Variants in EML4 observed in about 807,000 individuals in gnomAD.
EML4 encodes EMAP like 4, also known as echinoderm microtubule-associated protein-like 4.
In EML4, 72 loss-of-function variants were observed where a neutral mutation model predicts 129.0. The observed-to-expected ratio is 0.56, with a 90% CI of 0.46 to 0.68. EML4 has a LOEUF of 0.68. Among genes scored for constraint, EML4 ranks in the 30% least tolerant of loss-of-function variants. The pLI is 0.00. For missense variants in EML4, 1,363 were observed against 1,190.6 expected (o/e 1.14, Z -2.13); for synonymous variants, 532 against 405.0 (o/e 1.31, Z -3.77).
At position 42,331,930 on chromosome 2, in the gene EML4, A is replaced by C. The variant is rs573709162; in HGVS notation, c.*1723A>C. ...CTGTATATCTTTCCTTTTGTTTACA[A>C]CTGTTAAAAAACCTCAAAATAGTTC... On this transcript the variant is annotated 3_prime_UTR_variant, in exon 23 of 23. Coordinates refer to ENST00000318522, the MANE Select transcript of EML4 (RefSeq NM_019063.5). 7.5e-5 allele frequency: 16 copies of C among 212,798 alleles called. No individual in the cohort carries two copies. The highest frequency in any genetic ancestry group is 2.7e-4 in the African/African-American group (12 of 44,158). 13.2% of individuals were successfully genotyped at this position (212,798 alleles called of 1,614,324 possible).
At chr2:42,229,016 T>C (rs866490197) in intron 1 of EML4, among the ~76,000 whole-genome samples, 22 of 152,180 alleles carry the variant, frequency 1.4e-4, no homozygotes, top group African/African-American at 4.8e-4. Flanking sequence ...CAGTAAAATA[T>C]AGTATCTCTT....
chr2:42,273,798 C>A (rs1666506303), intron 6 of EML4, among the ~76,000 whole-genome samples: 1 of 152,128 alleles, frequency 6.6e-6, no homozygotes, highest in Non-Finnish European at 1.5e-5. Context: ...CTTCTAAATT[C>A]CCTTTTAGTT....
At chr2:42,221,307 C>G (rs1024007687) in intron 1 of EML4, among the ~76,000 whole-genome samples, 9 of 151,802 alleles carry the variant, frequency 5.9e-5, no homozygotes, top group Non-Finnish European at 1.0e-4. Context: ...TCTGAAAATC[C>G]TAGGGCCTTG....
At chr2:42,216,345 C>T (rs574196355) in intron 1 of EML4, among the ~76,000 whole-genome samples, 3 of 141,822 alleles carry the variant, frequency 2.1e-5, no homozygotes, top group Admixed American at 1.5e-4. Context: ...CGGGTTCAAG[C>T]GATTCTCCTG....
chr2:42,264,955 A>G, intron 6 of EML4: 1 of 1,550,334 alleles, frequency 6.5e-7, no homozygotes, highest in African/African-American at 1.4e-5. Context: ...AGCCAAGGTA[A>G]GAATAAGCTA....
intron 9 of EML4, 25 bp downstream of exon 9, chr2:42,284,728 C>A (rs751221752): frequency 1.3e-6 from 2 of 1,540,574 alleles, no homozygotes; most frequent in Non-Finnish European, 1.8e-6. Context: ...GTTATGCCTT[C>A]TGTACCTAGA....
At chr2:42,254,771 A>G (rs976299006) in intron 2 of EML4, among the ~76,000 whole-genome samples, 17 of 152,318 alleles carry the variant, frequency 1.1e-4, no homozygotes, top group Admixed American at 4.6e-4. Flanking sequence ...GTGACTCAGC[A>G]GTTCCGCTCC....
chr2:42,170,620 G>T (rs1670214181), intron 1 of EML4, among the ~76,000 whole-genome samples: 1 of 152,212 alleles, frequency 6.6e-6, no homozygotes, highest in Non-Finnish European at 1.5e-5. Context: ...TATTCTTCGA[G>T]GCCATTGAAA....
chr2:42,317,209 G>A (rs1669289573), intron 18 of EML4, among the ~76,000 whole-genome samples: 1 of 152,182 alleles, frequency 6.6e-6, no homozygotes, highest in Non-Finnish European at 1.5e-5. Flanking sequence ...AGAAGATGAG[G>A]CCTAGAGTCC....
At chr2:42,306,207 C>T (rs190908955) in intron 17 of EML4, among the ~76,000 whole-genome samples, 224 of 152,238 alleles carry the variant, frequency 1.5e-3, no homozygotes, top group African/African-American at 5.2e-3. Flanking sequence ...GACATTTGTC[C>T]ATTTGGACCG....
intron 6 of EML4, 144 bp downstream of exon 6, chr2:42,264,875 A>C (rs1322458483): frequency 2.6e-6 from 4 of 1,544,682 alleles, no homozygotes; most frequent in Non-Finnish European, 3.5e-6. Context: ...TTAGGAAAAA[A>C]CCCAGTTTTT....
rs1670123710 is a variant in EML4 at position 42,169,534 on chromosome 2, C to T, written c.-78C>T. The T allele has an allele frequency of 7.2e-6, 11 of 1,523,974 alleles. No individual in the cohort carries two copies. Among genetic ancestry groups the T allele is most frequent in the South Asian group, 2.4e-5 (2 of 84,248 alleles). The allele number at this position is 1,523,974 out of a possible 1,614,324, so 94.4% of individuals were successfully genotyped here. ...ACCTAGAGAACGAGCGGGTCAGGCTCAGCGTCGGCCACTCTGTCGGTCCGC... is the reference window on the plus strand; with the variant it reads ...ACCTAGAGAACGAGCGGGTCAGGCTTAGCGTCGGCCACTCTGTCGGTCCGC... On this transcript the variant is annotated 5_prime_UTR_variant, in exon 1 of 23. Coordinates refer to ENST00000318522, the MANE Select transcript of EML4 (RefSeq NM_019063.5).
chr2:42,180,326 A>C (rs756065905), intron 1 of EML4, among the ~76,000 whole-genome samples: 7 of 152,234 alleles, frequency 4.6e-5, no homozygotes, highest in Non-Finnish European at 8.8e-5. Context: ...AGATTTAGCC[A>C]ACAGACATAT....
At chr2:42,218,027 C>A (rs1673310118) in intron 1 of EML4, among the ~76,000 whole-genome samples, 2 of 152,072 alleles carry the variant, frequency 1.3e-5, no homozygotes. Flanking sequence ...ACAGGGGTCC[C>A]CAACCCTCCG....
intron 17 of EML4, among the ~76,000 whole-genome samples, chr2:42,313,717 C>T (rs1175486585): frequency 4.6e-5 from 7 of 152,016 alleles, no homozygotes; most frequent in Non-Finnish European, 1.0e-4. Context: ...CACCTGAGGT[C>T]AGGAGTTCAA....
chr2:42,211,619 C>T (rs975833666), intron 1 of EML4, among the ~76,000 whole-genome samples: 6 of 152,076 alleles, frequency 3.9e-5, no homozygotes, highest in Admixed American at 1.3e-4. Flanking sequence ...GATAAAATGT[C>T]GTTAGAGAGG....
chr2:42,328,747 T>C (rs544048091), intron 21 of EML4, 139 bp from the exon 22 acceptor site: 1 of 659,102 alleles, frequency 1.5e-6, no homozygotes, highest in Non-Finnish European at 2.3e-6. Context: ...ACTGAGAAAT[T>C]TGTAAAGGAA....
chr2:42,278,923 C>T (rs984779178), intron 6 of EML4, among the ~76,000 whole-genome samples: 2 of 133,852 alleles, frequency 1.5e-5, no homozygotes, highest in South Asian at 2.5e-4. Flanking sequence ...GCAACAAGAG[C>T]GAAACTCTCT....
chr2:42,202,082 CAAA>C (rs748080390), intron 1 of EML4, among the ~76,000 whole-genome samples: 2 of 111,108 alleles, frequency 1.8e-5, no homozygotes, highest in Admixed American at 9.7e-5. Flanking sequence ...GACTCTGTCT[CAAA>C]AAAAAAAAAA....
Sources: gnomAD v4.1 joint callset for allele counts (sites outside exome capture counted in the v4.1 genomes callset) on GRCh38, gnomAD v4.1.1 for gene constraint, MANE v1.5 for transcripts, NCBI Gene and HGNC (gene_info 2026-07-23, HGNC 2026-07-21) for gene names.